Variants in SOX6 observed in about 807,000 individuals in gnomAD.
The protein encoded by SOX6 is SRY-box transcription factor 6, also known as transcription factor SOX-6.
SOX6 carries 11 observed loss-of-function variants against 97.8 expected under a neutral mutation model. The observed-to-expected ratio is 0.11, with a 90% CI of 0.07 to 0.19. SOX6 has a LOEUF of 0.19. Among genes scored for constraint, SOX6 ranks in the 10% least tolerant of loss-of-function variants. The pLI is 1.00. For missense variants in SOX6, 810 were observed against 1,039.5 expected (o/e 0.78, Z 3.04); for synonymous variants, 360 against 371.4 (o/e 0.97, Z 0.35).
intron 8 of SOX6, among the ~76,000 whole-genome samples, chr11:16,096,748 T>C (rs1359562541): frequency 6.6e-6 from 1 of 151,888 alleles, no homozygotes; most frequent in East Asian, 1.9e-4. Flanking sequence ...CAAAAATAAT[T>C]ATAGTATATT....
chr11:16,108,064 C>A (rs544484301), intron 7 of SOX6, among the ~76,000 whole-genome samples: 1 of 152,148 alleles, frequency 6.6e-6, no homozygotes, highest in Admixed American at 6.6e-5. Context: ...GTGAACAAAT[C>A]GTGACACATT....
chr11:16,054,531 T>C (rs1847768376), intron 10 of SOX6, among the ~76,000 whole-genome samples: 1 of 152,182 alleles, frequency 6.6e-6, no homozygotes, highest in Non-Finnish European at 1.5e-5. Flanking sequence ...CTTCTCTTAG[T>C]GATTTTCACT....
intron 1 of SOX6, among the ~76,000 whole-genome samples, chr11:16,419,733 C>T (rs753683201): frequency 6.6e-6 from 1 of 151,998 alleles, no homozygotes; most frequent in Admixed American, 6.6e-5. Context: ...AACTGTTACT[C>T]GGGGCAACCT....
At chr11:16,236,953 T>C (rs944181682) in intron 3 of SOX6, among the ~76,000 whole-genome samples, 3 of 152,038 alleles carry the variant, frequency 2.0e-5, no homozygotes, top group Admixed American at 6.6e-5. Context: ...GCTCAGTTAA[T>C]CTAGCTATAT....
chr11:16,520,337 T>G (rs572672147), intron 4 of SOX6, among the ~76,000 whole-genome samples: 1 of 152,216 alleles, frequency 6.6e-6, no homozygotes, highest in Non-Finnish European at 1.5e-5. Flanking sequence ...TCAGGTCTTA[T>G]AGTTAAGTCT....
intron 2 of SOX6, among the ~76,000 whole-genome samples, chr11:16,726,967 TGA>T (rs1367991171): frequency 1.3e-5 from 2 of 152,368 alleles, no homozygotes; most frequent in East Asian, 1.9e-4. Flanking sequence ...TATTTTTGTG[TGA>T]GTCTGCTTAT....
chr11:16,639,404 T>C (rs1848854236), intron 3 of SOX6, among the ~76,000 whole-genome samples: 1 of 152,198 alleles, frequency 6.6e-6, no homozygotes, highest in South Asian at 2.1e-4. Context: ...GCGGGATCTT[T>C]TTTGGTTCCT....
chr11:16,063,990 G>A (rs957215775), intron 9 of SOX6, among the ~76,000 whole-genome samples: 1 of 151,468 alleles, frequency 6.6e-6, no homozygotes, highest in Non-Finnish European at 1.5e-5. Flanking sequence ...CTGCTATTCT[G>A]AGCTCTCAAA....
At chr11:16,028,689 C>A (rs1855274496) in intron 12 of SOX6, among the ~76,000 whole-genome samples, 2 of 152,176 alleles carry the variant, frequency 1.3e-5, no homozygotes, top group South Asian at 4.1e-4. Context: ...AGATAGAGTA[C>A]ATTATGCATC....
chr11:16,544,952 C>G (rs1035894089), intron 4 of SOX6, among the ~76,000 whole-genome samples: 7 of 151,866 alleles, frequency 4.6e-5, no homozygotes, highest in African/African-American at 1.5e-4. Context: ...GGCCAGGCAC[C>G]ACGGCTCACA....
intron 1 of SOX6, among the ~76,000 whole-genome samples, chr11:16,438,650 G>A (rs1240013474): frequency 1.3e-5 from 2 of 151,730 alleles, no homozygotes; most frequent in African/African-American, 4.8e-5. Flanking sequence ...ATAGGATCAG[G>A]ATCTGATCTA....
At chr11:16,423,432 G>A (rs929842647) in intron 1 of SOX6, among the ~76,000 whole-genome samples, 3 of 152,154 alleles carry the variant, frequency 2.0e-5, no homozygotes, top group East Asian at 1.9e-4. Context: ...TCCTTGTGAC[G>A]TTATTTTTGT....
chr11:16,338,882 C>G (rs1856544971), intron 2 of SOX6, among the ~76,000 whole-genome samples: 1 of 151,800 alleles, frequency 6.6e-6, no homozygotes, highest in Admixed American at 6.6e-5. Flanking sequence ...GATAATAACC[C>G]ACCAAAGTAA....
chr11:16,354,669 C>T (rs1373598985), intron 1 of SOX6, among the ~76,000 whole-genome samples: 3 of 151,910 alleles, frequency 2.0e-5, no homozygotes, highest in Non-Finnish European at 2.9e-5. Flanking sequence ...TCAACTAAAA[C>T]GGTCCAAGTA....
At chr11:16,388,815 C>T (rs973321601) in intron 1 of SOX6, among the ~76,000 whole-genome samples, 3 of 152,050 alleles carry the variant, frequency 2.0e-5, no homozygotes, top group African/African-American at 7.2e-5. Flanking sequence ...TTGTTTCCAG[C>T]AATTTGACTA....
chr11:16,388,044 T>C (rs1449031988), intron 1 of SOX6, among the ~76,000 whole-genome samples: 1 of 152,164 alleles, frequency 6.6e-6, no homozygotes, highest in Non-Finnish European at 1.5e-5. Flanking sequence ...CATTCACTAT[T>C]TCACCATCAA....
chr11:16,592,441 C>T (rs1565188544), intron 4 of SOX6, among the ~76,000 whole-genome samples: 1 of 151,478 alleles, frequency 6.6e-6, no homozygotes, highest in African/African-American at 2.4e-5. Context: ...TGTGATAACA[C>T]TGAAACAAGC....
intron 3 of SOX6, among the ~76,000 whole-genome samples, chr11:16,667,536 GTGC>G (rs1847816222): frequency 7.1e-6 from 1 of 141,576 alleles, no homozygotes; most frequent in Non-Finnish European, 1.6e-5. Flanking sequence ...ATTATTTAAA[GTGC>G]TGAAGGAAAA....
chr11:16,487,397 T>C (rs970644510), intron 4 of SOX6, among the ~76,000 whole-genome samples: 6 of 152,190 alleles, frequency 3.9e-5, no homozygotes, highest in Admixed American at 6.5e-5. Flanking sequence ...CAACAAAGCA[T>C]AATCCCAGAC....
Sources: gnomAD v4.1 joint callset for allele counts (sites outside exome capture counted in the v4.1 genomes callset) on GRCh38, gnomAD v4.1.1 for gene constraint, MANE v1.5 for transcripts, NCBI Gene and HGNC (gene_info 2026-07-23, HGNC 2026-07-21) for gene names.